PTPN22: variants seen among roughly 807,000 people sequenced by gnomAD.
The protein encoded by PTPN22 is protein tyrosine phosphatase non-receptor type 22.
PTPN22 carries 85 observed loss-of-function variants against 103.3 expected under a neutral mutation model. That is an observed-to-expected ratio of 0.82 (90% confidence interval 0.69 to 0.99). The LOEUF (loss-of-function observed/expected upper bound fraction) is 0.99, where lower values mean the gene tolerates loss of function less well. Among genes scored for constraint, PTPN22 ranks in the 50% least tolerant of loss-of-function variants. The pLI is 0.00. For missense variants in PTPN22, 865 were observed against 936.9 expected, an observed-to-expected ratio of 0.92 and a Z score of 1.00; for synonymous variants, 323 against 310.2, an observed-to-expected ratio of 1.04 and a Z score of -0.43.
chr1:113,845,115 G>A (rs1050133175), intron 11 of PTPN22, among the ~76,000 whole-genome samples: 62 of 151,944 alleles, frequency 4.1e-4, no homozygotes, highest in African/African-American at 1.5e-3. Context: ...CACCATGCCC[G>A]GTCTCTGTTA....
At chr1:113,820,186 ACTCACGC>A (rs1047777978) in intron 19 of PTPN22, among the ~76,000 whole-genome samples, 158 of 152,110 alleles carry the variant, frequency 1.0e-3, no homozygotes, top group African/African-American at 3.6e-3. Context: ...GGGCACGGTG[ACTCACGC>A]CTGTAATCCC....
chr1:113,855,067 A>G lies in PTPN22; in HGVS notation c.541-18T>C, dbSNP rs1434805034. ...CGAGTTTCCTATAAAAAGTAGCCAG[A>G]TGGGAGGGGAAGAGGGGCAAGGGCT... On this transcript the variant is annotated intron_variant, in intron 7 of 20. Coordinates refer to ENST00000359785, the Ensembl canonical transcript of PTPN22. 1 of 1,598,598 alleles carries G rather than the reference A, an allele frequency of 6.3e-7. No individual in the cohort carries two copies. Among genetic ancestry groups the G allele is most frequent in the Non-Finnish European group, 8.6e-7 (1 of 1,166,576 alleles).
intron 1 of PTPN22, among the ~76,000 whole-genome samples, chr1:113,871,090 C>T (rs1666543085): frequency 6.6e-6 from 1 of 152,080 alleles, no homozygotes; most frequent in Admixed American, 6.6e-5. Context: ...TTTTGGTGCT[C>T]TTCAAAAACC....
chr1:113,870,739 G>T (rs1666508927), intron 1 of PTPN22, among the ~76,000 whole-genome samples: 1 of 152,126 alleles, frequency 6.6e-6, no homozygotes. Context: ...AAAAATGATG[G>T]CCAGACATAG....
At chr1:113,814,527 G>A (rs144047083) in exon 21 of PTPN22, 4 of 172,488 alleles carry the variant, frequency 2.3e-5, no homozygotes, top group African/African-American at 9.6e-5. Flanking sequence ...AGTATATTCT[G>A]GCAATGTAGA....
intron 1 of PTPN22, among the ~76,000 whole-genome samples, chr1:113,869,602 C>A (rs956832761): frequency 1.3e-5 from 2 of 152,018 alleles, no homozygotes; most frequent in African/African-American, 4.8e-5. Context: ...ATTATGTTGG[C>A]CAGGATGGTC....
rs560441448 is a variant in PTPN22 at position 113,826,049 on chromosome 1, A to G, written c.2251-877T>C. The stretch of plus-strand genomic sequence containing the variant: ...TTTTAATTATGCTATCAGAATATTG[A>G]CGGGGAGCAGTGGAGTGCTGGCAAG... On this transcript the variant is annotated intron_variant, in intron 18 of 20. Transcript: ENST00000359785. Among the ~76,000 whole-genome samples the G allele has an allele frequency of 5.3e-5, 8 of 151,920 alleles. No homozygotes were observed. The East Asian group carries it at 7.8e-4, about 15-fold the overall frequency.
rs1291902954 is a variant in PTPN22 at position 113,863,891 on chromosome 1, C to T, written c.88-4431G>A. 6.3e-5 allele frequency among the ~76,000 whole-genome samples: 9 copies of T among 143,494 alleles called. No individual in the cohort carries two copies. The Admixed American group carries it at 6.4e-4, about 10-fold the overall frequency. The allele number at this position is 143,494 out of a possible 152,430, so 94.1% of individuals were successfully genotyped here. A position where few individuals can be genotyped will look rare whatever the true frequency, so the allele number is the denominator to read the frequency against. On this transcript the variant is annotated intron_variant, in intron 1 of 20. Transcript: ENST00000359785. The stretch of plus-strand genomic sequence containing the variant: ...TTCTTTCTGTTAGGATTCAATGAAT[C>T]CTTTATATTTAATAAATATATATAT...
chr1:113,838,471 A>C (rs757267945), intron 12 of PTPN22, 64 bp from the exon 13 acceptor site: 77 of 1,593,818 alleles, frequency 4.8e-5, no homozygotes, highest in Non-Finnish European at 6.4e-5. Flanking sequence ...CTAGCATCAC[A>C]ATGATGTATA....
chr1:113,850,266 AAGGAAG>A (rs1558043561), intron 10 of PTPN22, among the ~76,000 whole-genome samples: 48 of 148,674 alleles, frequency 3.2e-4, no homozygotes, highest in African/African-American at 1.1e-3. Context: ...GGAAGGAAGG[AAGGAAG>A]GAAAGAAAGG....
At chr1:113,863,695 T>C (rs1422759800) in intron 1 of PTPN22, among the ~76,000 whole-genome samples, 1 of 152,098 alleles carries the variant, frequency 6.6e-6, no homozygotes, top group Non-Finnish European at 1.5e-5. Flanking sequence ...TACTATAATA[T>C]ACACAGAACC....
intron 1 of PTPN22, chr1:113,864,366 G>T (rs1169871296): frequency 3.4e-6 from 1 of 295,534 alleles, no homozygotes; most frequent in Non-Finnish European, 6.8e-6. Context: ...CTCCAGCCTG[G>T]GTGACAGAGC....
chr1:113,837,382 G>A (rs1292816129), intron 13 of PTPN22, among the ~76,000 whole-genome samples: 3 of 151,194 alleles, frequency 2.0e-5, no homozygotes, highest in African/African-American at 4.9e-5. Flanking sequence ...CTCTGGAGGC[G>A]GAAGTTGCAT....
At chr1:113,869,106 C>T (rs770597047) in intron 1 of PTPN22, among the ~76,000 whole-genome samples, 6 of 152,044 alleles carry the variant, frequency 3.9e-5, no homozygotes, top group Non-Finnish European at 7.4e-5. Context: ...ATCCCAGCTA[C>T]TTGGGAGGCT....
rs778476457 is a variant in PTPN22 at position 113,830,022 on chromosome 1, A to G, written c.2061T>C (p.His687=). 7.5e-6 allele frequency: 12 copies of G among 1,598,152 alleles called. No homozygotes were observed. The Admixed American group carries it at 1.5e-4, about 20-fold the overall frequency. Reference sequence around the variant, plus strand: ...GAGGTGGGGGAGAAGAACGATCTTGATGTAGTTCTGTGATAAGAAAGTATA... The same window carrying G: ...GAGGTGGGGGAGAAGAACGATCTTGGTGTAGTTCTGTGATAAGAAAGTATA... Residue 687 remains histidine (H), a synonymous_variant, in exon 17 of 21, where the codon CAT becomes CAC. Transcript: ENST00000359785.
At chr1:113,868,664 A>T (rs1666315780) in intron 1 of PTPN22, among the ~76,000 whole-genome samples, 1 of 152,154 alleles carries the variant, frequency 6.6e-6, no homozygotes, top group Non-Finnish European at 1.5e-5. Context: ...GAGCTAGAAA[A>T]GCAAGGAAGT....
At chr1:113,828,271 A>G (rs1303842920) in intron 18 of PTPN22, among the ~76,000 whole-genome samples, 1 of 151,978 alleles carries the variant, frequency 6.6e-6, no homozygotes, top group Admixed American at 6.6e-5. Context: ...GAATTTATCT[A>G]TCTCTTTTCT....
chr1:113,851,246 A>G (rs1266883871), intron 10 of PTPN22, among the ~76,000 whole-genome samples: 1 of 151,384 alleles, frequency 6.6e-6, no homozygotes, highest in East Asian at 1.9e-4. Flanking sequence ...TCCACCTCGC[A>G]GGCTCAAGCA....
At position 113,858,492 on chromosome 1, in the gene PTPN22, C is replaced by A. The variant is rs1265613232; in HGVS notation, c.355G>T (p.Glu119Ter). ...ACCATACTTACAAGGACACTATATT[C>A]CCAAATCATCCTCCAGAAGTCCAGG... Residue 119 changes from glutamate to a stop codon, truncating the protein, a stop_gained, in exon 4 of 21, where the codon GAA becomes TAA. Transcript: ENST00000359785. LOFTEE classifies it high-confidence loss of function. The A allele has an allele frequency of 6.3e-7, 1 of 1,593,548 alleles. No individual in the cohort carries two copies. The highest frequency in any genetic ancestry group is 8.6e-7 in the Non-Finnish European group (1 of 1,163,404).
Sources: allele counts gnomAD v4.1 joint callset (sites outside exome capture counted in the v4.1 genomes callset), GRCh38; gene constraint gnomAD v4.1.1; transcripts MANE v1.5; gene names NCBI Gene and HGNC (gene_info 2026-07-23, HGNC 2026-07-21).